Variants in PGCKA1 observed in about 807,000 individuals in gnomAD.
PGCKA1 encodes the protein PDCD10 and GCKIII kinases associated 1.
At chr4:37,531,291 C>T in the PGCKA1 span, among the ~76,000 whole-genome samples, 1 of 152,014 alleles carries the variant, frequency 6.6e-6, no homozygotes, top group African/African-American at 2.4e-5. Flanking sequence ...CATTTTTTTC[C>T]CACATGCTTA....
the PGCKA1 span, among the ~76,000 whole-genome samples, chr4:37,552,872 T>C: frequency 1.3e-5 from 2 of 152,226 alleles, no homozygotes; most frequent in Non-Finnish European, 2.9e-5. Context: ...TGGACCTACT[T>C]TCAGTAACCT....
the PGCKA1 span, among the ~76,000 whole-genome samples, chr4:37,468,442 T>C: frequency 6.6e-6 from 1 of 152,100 alleles, no homozygotes; most frequent in Non-Finnish European, 1.5e-5. Flanking sequence ...AATTAGGGAG[T>C]TGCCCCAGCC....
the PGCKA1 span, among the ~76,000 whole-genome samples, chr4:37,515,713 A>G: frequency 6.6e-6 from 1 of 152,240 alleles, no homozygotes; most frequent in African/African-American, 2.4e-5. Flanking sequence ...GTAAATTGAG[A>G]CAATAGTAAA....
chr4:37,590,929 G>A, the PGCKA1 span: 6 of 1,614,250 alleles, frequency 3.7e-6, no homozygotes, highest in South Asian at 4.4e-5. Context: ...GGACGAGGAT[G>A]CAGCGGTGGC....
chr4:37,486,720 G>A, the PGCKA1 span, among the ~76,000 whole-genome samples: 2 of 152,166 alleles, frequency 1.3e-5, no homozygotes, highest in Non-Finnish European at 1.5e-5. Context: ...GGGACTTTCA[G>A]TGTTTATCCT....
the PGCKA1 span, among the ~76,000 whole-genome samples, chr4:37,482,851 GGCCAACATACA>G: frequency 1.3e-5 from 2 of 152,138 alleles, no homozygotes; most frequent in Admixed American, 6.5e-5. Flanking sequence ...GGCTAAAAGG[GGCCAACATACA>G]GCTTAGACTG....
the PGCKA1 span, among the ~76,000 whole-genome samples, chr4:37,526,800 A>G: frequency 1.3e-5 from 2 of 152,342 alleles, no homozygotes; most frequent in East Asian, 3.9e-4. Context: ...TGTCTGTGTT[A>G]CAAGTTTATG....
chr4:37,517,871 G>A, the PGCKA1 span, among the ~76,000 whole-genome samples: 1 of 151,860 alleles, frequency 6.6e-6, no homozygotes, highest in Non-Finnish European at 1.5e-5. Context: ...TAATTTTTTT[G>A]TACCCATTAA....
chr4:37,523,030 C>G, the PGCKA1 span, among the ~76,000 whole-genome samples: 2 of 152,120 alleles, frequency 1.3e-5, no homozygotes, highest in Admixed American at 6.5e-5. Context: ...TCCTCCATCT[C>G]TAATTCACCA....
the PGCKA1 span, among the ~76,000 whole-genome samples, chr4:37,571,355 C>CTT: frequency 0.11 from 8,438 of 78,094 alleles, 1,424 homozygotes; most frequent in Non-Finnish European, 0.15. Context: ...GACTATTATC[C>CTT]TTTTTTTTTT....
the PGCKA1 span, among the ~76,000 whole-genome samples, chr4:37,488,527 A>G: frequency 1.3e-5 from 2 of 152,202 alleles, no homozygotes; most frequent in African/African-American, 4.8e-5. Context: ...TGCCAACAGA[A>G]GCAGCAGAAG....
At chr4:37,508,867 G>A in the PGCKA1 span, among the ~76,000 whole-genome samples, 1 of 145,264 alleles carries the variant, frequency 6.9e-6, no homozygotes, top group African/African-American at 2.6e-5. Flanking sequence ...TGAGATTAGG[G>A]AGTGGTGATG....
At chr4:37,577,264 T>C in the PGCKA1 span, among the ~76,000 whole-genome samples, 1 of 152,274 alleles carries the variant, frequency 6.6e-6, no homozygotes, top group Non-Finnish European at 1.5e-5. Flanking sequence ...TTGTTATTGG[T>C]CAGTTCAAAT....
the PGCKA1 span, among the ~76,000 whole-genome samples, chr4:37,540,985 A>C: frequency 6.6e-6 from 1 of 151,690 alleles, no homozygotes; most frequent in Non-Finnish European, 1.5e-5. Flanking sequence ...AGAAGGTAAC[A>C]CAAACAGCCC....
At chr4:37,562,741 A>G in the PGCKA1 span, among the ~76,000 whole-genome samples, 83 of 152,258 alleles carry the variant, frequency 5.5e-4, no homozygotes, top group African/African-American at 1.8e-3. Flanking sequence ...TTATGACACT[A>G]TATTAGTCAT....
At chr4:37,524,624 C>T in the PGCKA1 span, among the ~76,000 whole-genome samples, 1 of 152,230 alleles carries the variant, frequency 6.6e-6, no homozygotes, top group Non-Finnish European at 1.5e-5. Flanking sequence ...GGGGATTATA[C>T]AGGGATCTGA....
At chr4:37,485,761 T>C in the PGCKA1 span, among the ~76,000 whole-genome samples, 4 of 152,262 alleles carry the variant, frequency 2.6e-5, no homozygotes, top group African/African-American at 4.8e-5. Flanking sequence ...GGTCAAAAGA[T>C]GTTTAGTTTG....
At chr4:37,581,673 G>C in the PGCKA1 span, among the ~76,000 whole-genome samples, 1 of 152,134 alleles carries the variant, frequency 6.6e-6, no homozygotes, top group South Asian at 2.1e-4. The surrounding 1 kb of genome is among the most constrained non-coding windows in gnomAD (Gnocchi z 4.4). Flanking sequence ...CAAGGAAGGG[G>C]TCACTTTCAT....
At chr4:37,459,556 T>A in the PGCKA1 span, among the ~76,000 whole-genome samples, 1 of 152,198 alleles carries the variant, frequency 6.6e-6, no homozygotes, top group African/African-American at 2.4e-5. Context: ...TTTTTTCCAA[T>A]AAGCCAGTAA....
Sources: allele counts gnomAD v4.1 joint callset (sites outside exome capture counted in the v4.1 genomes callset), GRCh38; gene constraint gnomAD v4.1.1; non-coding constraint Gnocchi (gnomAD v3.1); transcripts MANE v1.5; gene names NCBI Gene and HGNC (gene_info 2026-07-23, HGNC 2026-07-21).